Variants in SLC25A43 observed in about 807,000 individuals in gnomAD.
The protein encoded by SLC25A43 is solute carrier family 25 member 43, also known as solute carrier family 25, member 43.
In SLC25A43, 10 loss-of-function variants were observed where a neutral mutation model predicts 22.8. The ratio of observed to expected loss-of-function variants is 0.44; its 90% CI spans 0.27 to 0.74. SLC25A43 has a LOEUF of 0.74. Among genes scored for constraint, SLC25A43 ranks in the 30% least tolerant of loss-of-function variants. SLC25A43 has a pLI of 0.17. For synonymous variants in SLC25A43, 106 were observed against 121.6 expected (o/e 0.87, Z 0.84); for missense variants, 233 against 279.1 (o/e 0.83, Z 1.18).
At chrX:119,422,056 C>T (rs1346131737) in intron 3 of SLC25A43, among the ~76,000 whole-genome samples, 2 of 111,203 alleles carry the variant, frequency 1.8e-5, no homozygotes, top group Admixed American at 9.5e-5. Flanking sequence ...GCTGGGACTA[C>T]AGGCATGCAC....
At chrX:119,425,357 A>G (rs1345410437) in intron 3 of SLC25A43, among the ~76,000 whole-genome samples, 1 of 111,836 alleles carries the variant, frequency 8.9e-6, no homozygotes, top group Non-Finnish European at 1.9e-5. Context: ...AGGTGCTAAC[A>G]AAGTTCCAGG....
At position 119,431,577 on chromosome X, in the gene SLC25A43, C is replaced by T. The variant is rs180764300; in HGVS notation, c.691-20432C>T. 2.4e-3 allele frequency among the ~76,000 whole-genome samples: 263 copies of T among 111,019 alleles called. 1 individual carries two copies. Among genetic ancestry groups the T allele is most frequent in the Non-Finnish European group, 4.0e-3 (211 of 52,889 alleles). On this transcript the variant is annotated intron_variant, in intron 3 of 4. Coordinates refer to ENST00000217909, the MANE Select transcript of SLC25A43 (RefSeq NM_145305.3). ...AAAGAAAGAAAGAAGAAAAAGAAAGCACTCAGTGCTAGGCCATGTCTTTAT... is the reference window on the plus strand; with the variant it reads ...AAAGAAAGAAAGAAGAAAAAGAAAGTACTCAGTGCTAGGCCATGTCTTTAT...
Position 119,453,711 on chromosome X carries a change from A to G in SLC25A43, c.*646A>G. ...ACCACACCTAGCTAATTTTTTGGGG[A>G]GGTCTTGCTATGTTGCCCAGGCTGG... On this transcript the variant is annotated 3_prime_UTR_variant, in exon 5 of 5. Transcript: ENST00000217909. The G allele has an allele frequency of 8.8e-6, 1 of 113,879 alleles. No individual in the cohort carries two copies. The highest frequency in any genetic ancestry group is 1.8e-5 in the Non-Finnish European group (1 of 54,081). The allele number at this position is 113,879 out of a possible 1,213,427, so 9.4% of individuals were successfully genotyped here.
chrX:119,409,790 A>G (rs892240339), intron 2 of SLC25A43, among the ~76,000 whole-genome samples: 1 of 109,116 alleles, frequency 9.2e-6, no homozygotes, highest in Admixed American at 9.8e-5. Flanking sequence ...TACTTTTTGT[A>G]TTTTTAGTAG....
chrX:119,433,431 GT>G (rs1432426854), intron 3 of SLC25A43, among the ~76,000 whole-genome samples: 1 of 111,996 alleles, frequency 8.9e-6, no homozygotes, highest in Non-Finnish European at 1.9e-5. Flanking sequence ...CTAGACTAGT[GT>G]TTTTCCCAAA....
chrX:119,447,594 C>T (rs769625550), intron 3 of SLC25A43, among the ~76,000 whole-genome samples: 1 of 109,188 alleles, frequency 9.2e-6, no homozygotes, highest in Non-Finnish European at 1.9e-5. Flanking sequence ...ACATGTGAGC[C>T]ACTGCACCCA....
intron 3 of SLC25A43, among the ~76,000 whole-genome samples, chrX:119,434,293 G>A (rs1368507185): frequency 9.1e-6 from 1 of 109,608 alleles, no homozygotes. Flanking sequence ...CAAGAGTTCT[G>A]ATTAGGACAT....
At chrX:119,451,738 G>C (rs1361433215) in intron 3 of SLC25A43, 1 of 802,928 alleles carries the variant, frequency 1.2e-6, no homozygotes, top group African/African-American at 2.2e-5. Context: ...GGGAGGGAAT[G>C]TAAGTATGAA....
chrX:119,399,900 T>C (rs1313803441), intron 1 of SLC25A43, among the ~76,000 whole-genome samples: 4 of 112,644 alleles, frequency 3.6e-5, no homozygotes, highest in African/African-American at 9.7e-5. Flanking sequence ...CCCTGCAAGA[T>C]GCAGTTTTGT....
At chrX:119,442,517 T>G (rs1053554687) in intron 3 of SLC25A43, among the ~76,000 whole-genome samples, 1 of 112,128 alleles carries the variant, frequency 8.9e-6, no homozygotes, top group Admixed American at 9.5e-5. Flanking sequence ...AGTCTTACAT[T>G]AGCAGGAGGA....
chrX:119,414,810 C>T lies in SLC25A43; in HGVS notation c.690+4448C>T, dbSNP rs185749025. Among the ~76,000 whole-genome samples the T allele has an allele frequency of 5.8e-3, 625 of 108,343 alleles. 6 individuals carry two copies. The highest frequency in any genetic ancestry group is 0.02 in the African/African-American group (603 of 29,747). The allele number at this position is 108,343 out of a possible 115,157, so 94.1% of individuals were successfully genotyped here. On this transcript the variant is annotated intron_variant, in intron 3 of 4. Transcript: ENST00000217909. ...CTGCCCAGGCTGGAGTGCAGTGGTG[C>T]GATCTCAGCTCACTGTAGCCTCGAC...
intron 3 of SLC25A43, among the ~76,000 whole-genome samples, chrX:119,417,227 G>C (rs1189292701): frequency 9.3e-6 from 1 of 107,822 alleles, no homozygotes; most frequent in Admixed American, 1.0e-4. Context: ...AGACCAACCT[G>C]ACCAACATGA....
chrX:119,414,309 C>T (rs1369293410), intron 3 of SLC25A43, among the ~76,000 whole-genome samples: 1 of 112,004 alleles, frequency 8.9e-6, no homozygotes, highest in East Asian at 2.8e-4. Flanking sequence ...AAGATATTAA[C>T]CCTTTGTCAT....
At chrX:119,428,969 C>T (rs1175913277) in intron 3 of SLC25A43, among the ~76,000 whole-genome samples, 7 of 111,836 alleles carry the variant, frequency 6.3e-5, no homozygotes, top group Non-Finnish European at 1.1e-4. Flanking sequence ...AAATGGTCCT[C>T]GGCAAAACCA....
At chrX:119,432,929 T>C (rs976470072) in intron 3 of SLC25A43, among the ~76,000 whole-genome samples, 1 of 107,840 alleles carries the variant, frequency 9.3e-6, no homozygotes, top group Non-Finnish European at 1.9e-5. Flanking sequence ...GCCAAGATGG[T>C]GAATCCCCAT....
chrX:119,416,305 C>T (rs2052401818), intron 3 of SLC25A43, among the ~76,000 whole-genome samples: 1 of 110,377 alleles, frequency 9.1e-6, no homozygotes, highest in Admixed American at 9.7e-5. Flanking sequence ...CTGTAACCTC[C>T]GCCTCCCAGG....
Position 119,443,278 on chromosome X carries a change from C to T in SLC25A43, c.691-8731C>T, listed in dbSNP as rs183498124. Among the ~76,000 whole-genome samples the T allele has an allele frequency of 4.4e-3, 479 of 109,285 alleles. 5 individuals carry two copies. Among genetic ancestry groups the T allele is most frequent in the African/African-American group, 0.015 (455 of 30,081 alleles). 94.9% of individuals were successfully genotyped at this position (109,285 alleles called of 115,157 possible). On this transcript the variant is annotated intron_variant, in intron 3 of 4. Transcript: ENST00000217909. ...GGGATTACAGGCATCTGCCACCATG[C>T]CCGGCTAATTTTTGTATTTTTAGCA...
At chrX:119,448,552 C>T (rs1417984999) in intron 3 of SLC25A43, among the ~76,000 whole-genome samples, 1 of 111,062 alleles carries the variant, frequency 9.0e-6, no homozygotes, top group East Asian at 2.8e-4. Flanking sequence ...TCTGTAACAC[C>T]CCGGACATGC....
intron 1 of SLC25A43, among the ~76,000 whole-genome samples, chrX:119,399,956 A>G (rs911521686): frequency 8.9e-6 from 1 of 112,682 alleles, no homozygotes; most frequent in Non-Finnish European, 1.9e-5. Flanking sequence ...GGACCGGGCG[A>G]GGAGGTGGAA....
Sources: allele counts gnomAD v4.1 joint callset (sites outside exome capture counted in the v4.1 genomes callset), GRCh38; gene constraint gnomAD v4.1.1; transcripts MANE v1.5; gene names NCBI Gene and HGNC (gene_info 2026-07-23, HGNC 2026-07-21).